RFX2: variants seen among roughly 807,000 people sequenced by gnomAD.
RFX2 encodes regulatory factor X2.
A neutral mutation model predicts 87.8 loss-of-function variants in RFX2; 20 were observed. That is an observed-to-expected ratio of 0.23 (90% confidence interval 0.16 to 0.33). RFX2 has a LOEUF of 0.33. RFX2 is among the 10% of genes least tolerant of loss of function. The pLI is 1.00. For missense variants in RFX2, 767 were observed against 1,012.3 expected, an observed-to-expected ratio of 0.76 and a Z score of 3.29; for synonymous variants, 397 against 431.3, an observed-to-expected ratio of 0.92 and a Z score of 0.98.
In RFX2 at chr19:6,021,495, G is replaced by T. The variant is rs2086809948; in HGVS notation, c.597+4668C>A. Among the ~76,000 whole-genome samples, 1 of 152,182 alleles carries T rather than the reference G, an allele frequency of 6.6e-6. No individual in the cohort carries two copies. Reference sequence around the variant, plus strand: ...AGGGACTGGAGGGAGGACTGCAACGGTATAGTAAGTTGAGGTGGGGTGGGG... The same window carrying T: ...AGGGACTGGAGGGAGGACTGCAACGTTATAGTAAGTTGAGGTGGGGTGGGG... On this transcript the variant is annotated intron_variant, in intron 6 of 17. Coordinates refer to ENST00000303657, the MANE Select transcript of RFX2 (RefSeq NM_000635.4). The surrounding 1 kb of genome is among the most constrained non-coding windows in gnomAD (Gnocchi z 5.7).
In RFX2 at chr19:6,101,204, C is replaced by T. The variant is rs1454574095; in HGVS notation, c.-9+9189G>A. On this transcript the variant is annotated intron_variant, in intron 1 of 17. Transcript: ENST00000303657. The surrounding 1 kb of genome is among the most constrained non-coding windows in gnomAD (Gnocchi z 4.9). Reference sequence around the variant, plus strand: ...AGAAATGGATGGAGACCCCAGAGAGCTCCTCACTGAAGTCCCTAGTAGGGT... The same window carrying T: ...AGAAATGGATGGAGACCCCAGAGAGTTCCTCACTGAAGTCCCTAGTAGGGT... Among the ~76,000 whole-genome samples, 1 of 152,234 alleles carries T rather than the reference C, an allele frequency of 6.6e-6. No individual in the cohort carries two copies. Among genetic ancestry groups the T allele is most frequent in the East Asian group, 1.9e-4 (1 of 5,204 alleles).
At chr19:6,086,281 C>T (rs186387582) in intron 1 of RFX2, among the ~76,000 whole-genome samples, 2 of 152,072 alleles carry the variant, frequency 1.3e-5, no homozygotes, top group Admixed American at 1.3e-4. Context: ...AGCAATGCAA[C>T]CTCAGGCAAT....
At chr19:6,030,606 A>G (rs1382221969) in intron 5 of RFX2, among the ~76,000 whole-genome samples, 1 of 152,202 alleles carries the variant, frequency 6.6e-6, no homozygotes, top group Admixed American at 6.5e-5. Flanking sequence ...AGAAGGGACA[A>G]TGGAGAGTGG....
At chr19:6,060,230 T>A (rs995482582) in intron 1 of RFX2, among the ~76,000 whole-genome samples, 5 of 152,208 alleles carry the variant, frequency 3.3e-5, no homozygotes, top group Admixed American at 6.5e-5. Flanking sequence ...ATCCAGTTCC[T>A]TGCATCTTCA....
intron 1 of RFX2, among the ~76,000 whole-genome samples, chr19:6,095,225 C>T (rs2144891481): frequency 6.6e-6 from 1 of 152,250 alleles, no homozygotes; most frequent in African/African-American, 2.4e-5. Flanking sequence ...CTAGAAGACA[C>T]TTAGAATAAA....
chr19:6,000,246 A>G (rs1215402839), intron 15 of RFX2, among the ~76,000 whole-genome samples: 7 of 152,166 alleles, frequency 4.6e-5, no homozygotes, highest in Middle Eastern at 3.2e-3. Context: ...CAGCCTCCCA[A>G]AGTGTGGGGA....
At chr19:6,093,245 ATAAC>A (rs1456921539) in intron 1 of RFX2, among the ~76,000 whole-genome samples, 1 of 152,172 alleles carries the variant, frequency 6.6e-6, no homozygotes, top group African/African-American at 2.4e-5. Flanking sequence ...CTATAAATAA[ATAAC>A]TAAGGCCGGG....
intron 1 of RFX2, among the ~76,000 whole-genome samples, chr19:6,105,133 A>T (rs2088194533): frequency 6.6e-6 from 1 of 151,992 alleles, no homozygotes; most frequent in South Asian, 2.1e-4. Flanking sequence ...AAAAAAAAAA[A>T]AGAAGTTAAT....
chr19:6,088,496 T>G (rs1347297466), intron 1 of RFX2, among the ~76,000 whole-genome samples: 1 of 150,388 alleles, frequency 6.6e-6, no homozygotes, highest in Admixed American at 6.6e-5. Context: ...CAGGCTTGAG[T>G]CACCATGCCA....
chr19:6,037,986 T>C (rs887673111), intron 5 of RFX2, among the ~76,000 whole-genome samples: 2 of 152,204 alleles, frequency 1.3e-5, no homozygotes, highest in Non-Finnish European at 2.9e-5. Flanking sequence ...ACTTAAACCT[T>C]ACATTATACA....
At position 6,061,497 on chromosome 19, in the gene RFX2, C is replaced by T. The variant is rs1232286482; in HGVS notation, c.-8-13993G>A. Among the ~76,000 whole-genome samples, 1 of 152,236 alleles carries T rather than the reference C, an allele frequency of 6.6e-6. No homozygotes were observed. The highest frequency in any genetic ancestry group is 2.4e-5 in the African/African-American group (1 of 41,466). Reference sequence around the variant, plus strand: ...AGTCTGGCTGATCAAGACCTTGTCACCTGAAGACTGTCCGTAGGCAGGCAG... The same window carrying T: ...AGTCTGGCTGATCAAGACCTTGTCATCTGAAGACTGTCCGTAGGCAGGCAG... On this transcript the variant is annotated intron_variant, in intron 1 of 17. Transcript: ENST00000303657. The surrounding 1 kb of genome is among the most constrained non-coding windows in gnomAD (Gnocchi z 5.2).
At chr19:6,065,822 C>T (rs1299090200) in intron 1 of RFX2, among the ~76,000 whole-genome samples, 1 of 152,142 alleles carries the variant, frequency 6.6e-6, no homozygotes, top group Non-Finnish European at 1.5e-5. Context: ...ACGGGAACCA[C>T]AGGAGCTGTT....
chr19:6,002,892 G>C lies in RFX2; in HGVS notation c.1501-22C>G. 1.3e-6 allele frequency: 2 copies of C among 1,593,850 alleles called. No individual in the cohort carries two copies. Among genetic ancestry groups the C allele is most frequent in the South Asian group, 1.1e-5 (1 of 89,242 alleles). On this transcript the variant is annotated intron_variant, in intron 13 of 17. Transcript: ENST00000303657. This position sits in a 1 kb window ranked among gnomAD's most constrained non-coding sequence, Gnocchi z 6.7. ...CCACCTGTAAGCCAGGGCTCGTGGT[G>C]AGCAGGGGTTCGCAGGGAGAGCCTG...
chr19:6,007,228 G>A lies in RFX2; in HGVS notation c.1248-62C>T. 4 of 1,548,644 alleles carry A rather than the reference G, an allele frequency of 2.6e-6. No individual in the cohort carries two copies. The highest frequency in any genetic ancestry group is 2.7e-6 in the Non-Finnish European group (3 of 1,131,856). ...GCCCAGGTGGGCTCACTCAGCCACG[G>A]GAGCGAGCAGAGAGCCGGGCTGCGG... On this transcript the variant is annotated intron_variant, in intron 11 of 17. Transcript: ENST00000303657. This position sits in a 1 kb window ranked among gnomAD's most constrained non-coding sequence, Gnocchi z 8.2.
rs1168086364 is a variant in RFX2 at position 6,063,337 on chromosome 19, A to G, written c.-8-15833T>C. 6.6e-6 allele frequency among the ~76,000 whole-genome samples: 1 copy of G among 152,200 alleles called. No individual in the cohort carries two copies. Among genetic ancestry groups the G allele is most frequent in the Non-Finnish European group, 1.5e-5 (1 of 68,030 alleles). The stretch of plus-strand genomic sequence containing the variant: ...TGCCTGCAAGTCTAAGGTCTGCAGA[A>G]TCGAGGGAGGCCAGCATGGCACACA... On this transcript the variant is annotated intron_variant, in intron 1 of 17. Coordinates refer to ENST00000303657, the MANE Select transcript of RFX2 (RefSeq NM_000635.4). This position sits in a 1 kb window ranked among gnomAD's most constrained non-coding sequence, Gnocchi z 4.0.
rs565736255 is a variant in RFX2 at position 6,039,739 on chromosome 19, G to A, written c.522+241C>T. 4.6e-5 allele frequency among the ~76,000 whole-genome samples: 7 copies of A among 152,258 alleles called. No homozygotes were observed. Among genetic ancestry groups the A allele is most frequent in the Non-Finnish European group, 8.8e-5 (6 of 68,042 alleles). On this transcript the variant is annotated intron_variant, in intron 5 of 17. Coordinates refer to ENST00000303657, the MANE Select transcript of RFX2 (RefSeq NM_000635.4). The surrounding 1 kb of genome is among the most constrained non-coding windows in gnomAD (Gnocchi z 5.2). Reference sequence around the variant, plus strand: ...TCATTCCCTTTTCACAACAGCCCATGACGCATGGCTTGTCCTCCTCTTTAT... The same window carrying A: ...TCATTCCCTTTTCACAACAGCCCATAACGCATGGCTTGTCCTCCTCTTTAT...
chr19:6,100,781 A>G (rs1236360710), intron 1 of RFX2, among the ~76,000 whole-genome samples: 1 of 152,190 alleles, frequency 6.6e-6, no homozygotes, highest in Non-Finnish European at 1.5e-5. Flanking sequence ...CTCTCCAATG[A>G]GCACACTCAT....
In RFX2 at chr19:5,997,225, C is replaced by T. The variant is rs189991674; in HGVS notation, c.1860-12G>A. Reference sequence around the variant, plus strand: ...GGATCACCATGGAGCTGGGGACAAGCGGACAGAGGCTGGGGACCCTCAGGG... The same window carrying T: ...GGATCACCATGGAGCTGGGGACAAGTGGACAGAGGCTGGGGACCCTCAGGG... On this transcript the variant is annotated splice_polypyrimidine_tract_variant and intron_variant, in intron 15 of 17. Coordinates refer to ENST00000303657, the MANE Select transcript of RFX2 (RefSeq NM_000635.4). This position sits in a 1 kb window ranked among gnomAD's most constrained non-coding sequence, Gnocchi z 4.2. 4.5e-5 allele frequency: 73 copies of T among 1,605,964 alleles called. No individual in the cohort carries two copies. In the Admixed American group the frequency reaches 4.9e-4, roughly 11 times the overall value.
chr19:6,020,204 C>T lies in RFX2; in HGVS notation c.598-3933G>A, dbSNP rs1412473500. The T allele has an allele frequency of 6.6e-6, 1 of 152,172 alleles. No homozygotes were observed. Among genetic ancestry groups the T allele is most frequent in the African/African-American group, 2.4e-5 (1 of 41,410 alleles). The allele number at this position is 152,172 out of a possible 1,614,324, so 9.4% of individuals were successfully genotyped here. ...AGAGGTTAGAGTATAAGACTCCATC[C>T]ACCAGGAGGACATACTGGCTCACAC... On this transcript the variant is annotated intron_variant, in intron 6 of 17. Coordinates refer to ENST00000303657, the MANE Select transcript of RFX2 (RefSeq NM_000635.4). This position sits in a 1 kb window ranked among gnomAD's most constrained non-coding sequence, Gnocchi z 5.3.
Sources: gnomAD v4.1 joint callset for allele counts (sites outside exome capture counted in the v4.1 genomes callset) on GRCh38, gnomAD v4.1.1 for gene constraint, Gnocchi (gnomAD v3.1) non-coding constraint, MANE v1.5 for transcripts, NCBI Gene and HGNC (gene_info 2026-07-23, HGNC 2026-07-21) for gene names.